The following THPO variants were observed in gnomAD, a reference collection of about 807,000 sequenced individuals.
THPO encodes MPL ligand.
THPO carries 12 observed loss-of-function variants against 17.0 expected under a neutral mutation model. That is an observed-to-expected ratio of 0.71 (90% CI 0.45 to 1.14). THPO has a LOEUF of 1.14. THPO is among the 50% of genes most tolerant of loss of function. THPO has a pLI of 0.00. For synonymous variants in THPO, 188 were observed against 183.0 expected, an observed-to-expected ratio of 1.03 and a Z score of -0.22; for missense variants, 365 against 427.5, an observed-to-expected ratio of 0.85 and a Z score of 1.29.
chr3:184,374,401 A>G (rs1157818770), intron 4 of THPO, among the ~76,000 whole-genome samples: 1 of 152,198 alleles, frequency 6.6e-6, no homozygotes, highest in South Asian at 2.1e-4. Flanking sequence ...TTTTTAAACT[A>G]TTGCCCATAA....
chr3:184,378,023 C>G, intron 1 of THPO, 52 bp downstream of exon 1: 1 of 984,668 alleles, frequency 1.0e-6, no homozygotes, highest in Non-Finnish European at 1.2e-6. Flanking sequence ...GCCCATTTCT[C>G]TTTGCTGTCC....
upstream of THPO, chr3:184,378,443 G>C: frequency 1.0e-6 from 1 of 966,294 alleles, no homozygotes; most frequent in Non-Finnish European, 1.2e-6. Context: ...GTGTTGCTGG[G>C]GAAGAAGCAC....
intron 4 of THPO, among the ~76,000 whole-genome samples, chr3:184,374,440 G>T (rs1714217611): frequency 6.6e-6 from 1 of 152,090 alleles, no homozygotes; most frequent in African/African-American, 2.4e-5. Flanking sequence ...TTCTGTTCAG[G>T]CTGCTGCTTT....
At chr3:184,375,802 A>G (rs1399030612) in intron 3 of THPO, 86 bp downstream of exon 3, 2 of 1,592,646 alleles carry the variant, frequency 1.3e-6, no homozygotes, top group East Asian at 2.2e-5. Flanking sequence ...TGGGTCAAGG[A>G]GTTAGAGGAA....
upstream of THPO, among the ~76,000 whole-genome samples, chr3:184,378,639 A>G (rs941660346): frequency 6.6e-6 from 1 of 152,222 alleles, no homozygotes; most frequent in Non-Finnish European, 1.5e-5. Flanking sequence ...TATTGCCCAC[A>G]TGAGAGAAAT....
chr3:184,376,840 C>T (rs1028161287), intron 1 of THPO, among the ~76,000 whole-genome samples: 25 of 125,184 alleles, frequency 2.0e-4, no homozygotes, highest in African/African-American at 5.8e-4. Flanking sequence ...AGTGAAACTC[C>T]GTCTCAAAAA....
rs780619355 is a variant in THPO, at chr3:184,372,660, C to G, written c.915G>C (p.Thr305=). The G allele has an allele frequency of 2.0e-5, 32 of 1,612,650 alleles. No homozygotes were observed. Among genetic ancestry groups the G allele is most frequent in the Non-Finnish European group, 2.7e-5 (32 of 1,179,224 alleles). The change falls in exon 6 of 6, where the codon ACG becomes ACC. Residue 305 remains threonine, a synonymous_variant. Transcript: ENST00000647395. The part of the protein sequence containing the change: ...SPTHPPTGQY[T]LFPLPPTLPT... The stretch of plus-strand genomic sequence containing the variant: ...GCAAGGTGGGTGGAAGAGGGAAGAG[C>G]GTATACTGTCCAGTAGGAGGATGGG...
chr3:184,377,503 C>A (rs1714518266), intron 1 of THPO, among the ~76,000 whole-genome samples: 1 of 152,196 alleles, frequency 6.6e-6, no homozygotes, highest in Admixed American at 6.5e-5. Context: ...CCTCCCTGCC[C>A]CCTTGGCAGA....
At position 184,373,159 on chromosome 3, in the gene THPO, G is replaced by A. The variant is rs1232591294; in HGVS notation, c.416C>T (p.Thr139Ile). 6.2e-7 allele frequency: 1 copy of A among 1,612,234 alleles called. No homozygotes were observed. Among genetic ancestry groups the A allele is most frequent in the Non-Finnish European group, 8.5e-7 (1 of 1,180,010 alleles). ...LGTQLPPQGR[T>I]TAHKDPNAIF... ...GGCATTGGGATCCTTGTGAGCTGTGGTCCTGCCCTGTGGAGGAAGCTGAGG... is the reference window on the plus strand; with the variant it reads ...GGCATTGGGATCCTTGTGAGCTGTGATCCTGCCCTGTGGAGGAAGCTGAGG... Residue 139 changes from threonine to isoleucine, a missense_variant, in exon 6 of 6, where the codon ACC becomes ATC. By Grantham distance (89) the Thr-to-Ile change is moderately conservative (BLOSUM62 -1). Coordinates refer to ENST00000647395, the MANE Select transcript of THPO (RefSeq NM_000460.4).
Position 184,372,771 on chromosome 3 carries a change from G to T in THPO, c.804C>A (p.Thr268=), listed in dbSNP as rs201887623. The T allele has an allele frequency of 3.1e-6, 5 of 1,614,028 alleles. No homozygotes were observed. In the East Asian group the frequency reaches 1.1e-4, roughly 36 times the overall value. Residue 268 remains threonine, a synonymous_variant, in exon 6 of 6, where the codon ACC becomes ACA. Coordinates refer to ENST00000647395, the MANE Select transcript of THPO (RefSeq NM_000460.4). ...CTGAGGAAATGTCCGGGGCTCCTAGGGTCCTGCGTGAGGGTCCAGGAAAGA... is the reference window on the plus strand; with the variant it reads ...CTGAGGAAATGTCCGGGGCTCCTAGTGTCCTGCGTGAGGGTCCAGGAAAGA... ...RGLFPGPSRR[T]LGAPDISSGT...
upstream of THPO, chr3:184,378,955 C>CT: frequency 1.4e-6 from 1 of 730,412 alleles, no homozygotes; most frequent in Non-Finnish European, 1.7e-6. Context: ...TACCTCCCTG[C>CT]TGGCCCCCCT....
At position 184,372,584 on chromosome 3, in the gene THPO, T is replaced by C. The variant is rs1172511196; in HGVS notation, c.991A>G (p.Thr331Ala). Reference protein sequence around the residue: ...HPLLPDPSAPTPTPTSPLLNT... With the variant: ...HPLLPDPSAPAPTPTSPLLNT... Reference sequence around the variant, plus strand: ...AGAAGAGGGCTGGTAGGGGTGGGCGTTGGAGCAGAAGGGTCAGGAAGCAGG... The same window carrying C: ...AGAAGAGGGCTGGTAGGGGTGGGCGCTGGAGCAGAAGGGTCAGGAAGCAGG... The change falls in exon 6 of 6, where the codon ACG becomes GCG. Residue 331 changes from threonine to alanine, a missense_variant. Transcript: ENST00000647395. The C allele has an allele frequency of 6.2e-7, 1 of 1,613,498 alleles. No homozygotes were observed. The highest frequency in any genetic ancestry group is 1.1e-5 in the South Asian group (1 of 91,034).
intron 4 of THPO, among the ~76,000 whole-genome samples, chr3:184,374,042 A>C (rs1390496563): frequency 6.6e-6 from 1 of 152,168 alleles, no homozygotes; most frequent in African/African-American, 2.4e-5. Context: ...AGCCTGGCCA[A>C]CATGGTGAAA....
At chr3:184,378,735 C>T (rs189348581), upstream of THPO, 41 of 915,632 alleles carry the variant, frequency 4.5e-5, no homozygotes, top group East Asian at 1.4e-3. Context: ...TGTGCGCACA[C>T]GTGCACTGGG....
chr3:184,375,653 T>C, intron 3 of THPO, 52 bp from the exon 4 acceptor site: 1 of 1,589,640 alleles, frequency 6.3e-7, no homozygotes, highest in African/African-American at 1.3e-5. Context: ...GAGAGAGCTA[T>C]GGTAGCCTAA....
At chr3:184,378,310 C>CCA, upstream of THPO, 1 of 985,500 alleles carries the variant, frequency 1.0e-6, no homozygotes, top group African/African-American at 1.7e-5. Flanking sequence ...ACTCCTCCAC[C>CCA]CACACACACC....
At chr3:184,379,514 A>C (rs1714812227), upstream of THPO, among the ~76,000 whole-genome samples, 1 of 152,150 alleles carries the variant, frequency 6.6e-6, no homozygotes, top group African/African-American at 2.4e-5. Context: ...GTAGGGAGGC[A>C]GGCTAGGCAG....
intron 4 of THPO, 74 bp downstream of exon 4, chr3:184,375,441 G>T: frequency 6.8e-7 from 1 of 1,463,730 alleles, no homozygotes; most frequent in Non-Finnish European, 9.6e-7. Flanking sequence ...CAAGAATGTT[G>T]GAGAATCCAT....
chr3:184,373,013 G>A lies in THPO; in HGVS notation c.562C>T (p.Leu188=). The A allele has an allele frequency of 4.3e-6, 7 of 1,614,168 alleles. No individual in the cohort carries two copies. In the South Asian group the frequency reaches 7.7e-5, roughly 18 times the overall value. The change falls in exon 6 of 6, where the codon CTA becomes TTA. Residue 188 remains leucine, a synonymous_variant. Transcript: ENST00000647395. ...GGGAGCTCGTTCAGTGTGAGGACTA[G>A]AGAGGTTCTGCTGGGGACAGCTGTG... ...PTTAVPSRTS[L]VLTLNELPNR...
Sources: gnomAD v4.1 joint callset for allele counts (sites outside exome capture counted in the v4.1 genomes callset) on GRCh38, gnomAD v4.1.1 for gene constraint, MANE v1.5 for transcripts, NCBI Gene and HGNC (gene_info 2026-07-23, HGNC 2026-07-21) for gene names.